The following ZFR variants were observed in gnomAD, a reference collection of about 807,000 sequenced individuals.
ZFR encodes the protein zinc finger RNA binding protein.
Under a neutral mutation model 130.7 loss-of-function variants are expected in ZFR, and 19 were observed. The observed-to-expected ratio is 0.15, with a 90% CI of 0.10 to 0.21. The LOEUF is 0.21. ZFR is among the 10% of genes least tolerant of loss of function. The pLI, the probability that ZFR is intolerant of heterozygous loss-of-function variation, is 1.00. For missense variants in ZFR, 872 were observed against 1,321.5 expected (o/e 0.66, Z 5.27); for synonymous variants, 466 against 456.9 (o/e 1.02, Z -0.25).
intron 10 of ZFR, among the ~76,000 whole-genome samples, chr5:32,396,802 C>CAGTGAAGAAT (rs1432569828): frequency 2.0e-5 from 3 of 152,004 alleles, no homozygotes; most frequent in Non-Finnish European, 4.4e-5. Flanking sequence ...GAAGTGTATT[C>CAGTGAAGAAT]AGTGAAGAAT....
intron 2 of ZFR, among the ~76,000 whole-genome samples, chr5:32,421,186 A>C (rs1482467218): frequency 6.6e-6 from 1 of 152,178 alleles, no homozygotes; most frequent in Non-Finnish European, 1.5e-5. Flanking sequence ...CAATTCCACA[A>C]GGTAAAGCCA....
intron 10 of ZFR, 150 bp from the exon 11 acceptor site, chr5:32,395,454 A>T (rs769997002): frequency 2.0e-5 from 11 of 561,492 alleles, no homozygotes; most frequent in Non-Finnish European, 3.0e-5. Flanking sequence ...ATTAAGGTAA[A>T]TCAGAGAAAA....
intron 17 of ZFR, among the ~76,000 whole-genome samples, chr5:32,369,520 A>AAAACAAAAC (rs1752614827): frequency 8.2e-6 from 1 of 121,268 alleles, no homozygotes; most frequent in Non-Finnish European, 1.7e-5. Flanking sequence ...CAAAACAAAA[A>AAAACAAAAC]ACTGGTCAGG....
intron 9 of ZFR, among the ~76,000 whole-genome samples, chr5:32,398,660 T>C (rs958025918): frequency 9.2e-5 from 14 of 152,184 alleles, no homozygotes; most frequent in Non-Finnish European, 1.9e-4. Flanking sequence ...AAACAAAGAA[T>C]TCAATACACA....
At chr5:32,395,069 TGCTTTGAA>T (rs1753270287) in intron 11 of ZFR, 82 bp downstream of exon 11, 5 of 1,418,594 alleles carry the variant, frequency 3.5e-6, no homozygotes, top group Non-Finnish European at 4.6e-6. Flanking sequence ...AAATCTGGAT[TGCTTTGAA>T]TGGGAGTCAC....
At chr5:32,422,381 A>G (rs1019563767) in intron 2 of ZFR, among the ~76,000 whole-genome samples, 1 of 152,148 alleles carries the variant, frequency 6.6e-6, no homozygotes, top group Non-Finnish European at 1.5e-5. Flanking sequence ...AAAAGATGAA[A>G]TATGAAAAAG....
chr5:32,429,412 C>T (rs908632572), intron 2 of ZFR, among the ~76,000 whole-genome samples: 2 of 151,936 alleles, frequency 1.3e-5, no homozygotes, highest in Non-Finnish European at 2.9e-5. Flanking sequence ...ACCCTGTCTC[C>T]ACTAAAAAAT....
intron 14 of ZFR, among the ~76,000 whole-genome samples, chr5:32,386,528 A>G (rs1012413069): frequency 3.3e-5 from 5 of 152,090 alleles, no homozygotes; most frequent in Non-Finnish European, 7.4e-5. Context: ...CGCAAATTCT[A>G]TGATTCTTCC....
intron 2 of ZFR, 89 bp downstream of exon 2, chr5:32,444,140 C>T: frequency 6.9e-7 from 1 of 1,453,298 alleles, no homozygotes; most frequent in African/African-American, 1.4e-5. Context: ...TCTGGGATGG[C>T]TGGGGACGGG....
intron 2 of ZFR, among the ~76,000 whole-genome samples, chr5:32,424,391 C>T (rs537726764): frequency 1.3e-5 from 2 of 152,146 alleles, no homozygotes; most frequent in African/African-American, 4.8e-5. Context: ...ATTAGCTGGG[C>T]GCAGTGGCGG....
At chr5:32,363,712 T>C (rs1752481542) in intron 19 of ZFR, among the ~76,000 whole-genome samples, 1 of 152,322 alleles carries the variant, frequency 6.6e-6, no homozygotes, top group Non-Finnish European at 1.5e-5. Context: ...ATTTTTATAA[T>C]ATACAATACA....
At position 32,396,144 on chromosome 5, in the gene ZFR, G is replaced by A. The variant is rs944314528; in HGVS notation, c.1834-840C>T. 4.9e-4 allele frequency among the ~76,000 whole-genome samples: 74 copies of A among 151,686 alleles called. 1 individual carries two copies. The highest frequency in any genetic ancestry group is 4.9e-4 in the Non-Finnish European group (33 of 67,866). ...TGCGGTGGGAGGATCACTGGAGCCC[G>A]GGAGGTTGCAGTGAGCCATGTTCAT... On this transcript the variant is annotated intron_variant, in intron 10 of 19. Transcript: ENST00000265069.
At chr5:32,424,933 AAG>A (rs1459276518) in intron 2 of ZFR, among the ~76,000 whole-genome samples, 5 of 151,902 alleles carry the variant, frequency 3.3e-5, no homozygotes, top group African/African-American at 1.2e-4. Flanking sequence ...AGTGAAACAC[AAG>A]AGTTTCAAGA....
chr5:32,395,389 T>A (rs1753280357), intron 10 of ZFR, 85 bp from the exon 11 acceptor site: 1 of 1,146,730 alleles, frequency 8.7e-7, no homozygotes, highest in African/African-American at 1.6e-5. Context: ...CACTTATTCT[T>A]TAATCACGGA....
chr5:32,354,406 T>G lies in ZFR; in HGVS notation c.*1354A>C, dbSNP rs924758631. 6.5e-6 allele frequency: 1 copy of G among 152,794 alleles called. No individual in the cohort carries two copies. The highest frequency in any genetic ancestry group is 6.5e-5 in the Admixed American group (1 of 15,304). The allele number at this position is 152,794 out of a possible 1,614,324, so 9.5% of individuals were successfully genotyped here. A position where few individuals can be genotyped will look rare whatever the true frequency, so the allele number is the denominator to read the frequency against. ...ATCATTTCAAAGCAAAAGTAGTTTA[T>G]GTTGTCAATTCTAACATATAATACA... On this transcript the variant is annotated 3_prime_UTR_variant, in exon 20 of 20. Transcript: ENST00000265069.
chr5:32,415,006 C>CT lies in ZFR; in HGVS notation c.746dup (p.Ser250GlufsTer20). On this transcript the variant is annotated frameshift_variant, in exon 5 of 20. Coordinates refer to ENST00000265069, the MANE Select transcript of ZFR (RefSeq NM_016107.5). LOFTEE classifies it high-confidence loss of function. ...CTGCTGTGGTACTGTAAGTAGCACT[C>CT]TGAGTATAGGATGGCACCACAGTAG... is the stretch of plus-strand genomic sequence containing the variant. The CT allele has an allele frequency of 6.2e-7, 1 of 1,613,896 alleles. No homozygotes were observed. Among genetic ancestry groups the CT allele is most frequent in the Non-Finnish European group, 8.5e-7 (1 of 1,179,938 alleles).
intron 15 of ZFR, among the ~76,000 whole-genome samples, chr5:32,384,960 A>T (rs1003642991): frequency 1.3e-5 from 2 of 152,130 alleles, no homozygotes; most frequent in Non-Finnish European, 2.9e-5. Context: ...TGCATTTATG[A>T]AAGTGCTCCA....
Position 32,412,232 on chromosome 5 carries a change from A to G in ZFR, c.784+2737T>C, listed in dbSNP as rs545070064. 2.0e-4 allele frequency among the ~76,000 whole-genome samples: 31 copies of G among 152,328 alleles called. 1 individual carries two copies. The highest frequency in any genetic ancestry group is 6.5e-4 in the African/African-American group (27 of 41,566). The stretch of plus-strand genomic sequence containing the variant: ...GTAAAGCCAGCATCAATAGGAATAA[A>G]CAAACATTACTTATTACATGCTTCT... On this transcript the variant is annotated intron_variant, in intron 5 of 19. Transcript: ENST00000265069.
At chr5:32,361,159 C>A (rs1752422335) in intron 19 of ZFR, among the ~76,000 whole-genome samples, 1 of 152,196 alleles carries the variant, frequency 6.6e-6, no homozygotes, top group Non-Finnish European at 1.5e-5. Context: ...TATTTTAAAT[C>A]CCTGCTCTGA....
Sources: allele counts gnomAD v4.1 joint callset (sites outside exome capture counted in the v4.1 genomes callset), GRCh38; gene constraint gnomAD v4.1.1; transcripts MANE v1.5; gene names NCBI Gene and HGNC (gene_info 2026-07-23, HGNC 2026-07-21).